Variants in VPS37A observed in about 807,000 individuals in gnomAD.
VPS37A encodes vacuolar protein sorting-associated protein 37A.
A neutral mutation model predicts 49.8 loss-of-function variants in VPS37A; 30 were observed. The observed-to-expected ratio is 0.60, with a 90% CI of 0.45 to 0.82. The LOEUF (loss-of-function observed/expected upper bound fraction) is 0.82. Ranked by LOEUF, VPS37A falls within the 40% of genes least tolerant of loss-of-function variation. The probability of loss-of-function intolerance (pLI) is 0.00; values close to 1 mark genes in which losing one functional copy is unlikely to be tolerated. For synonymous variants in VPS37A, 195 were observed against 160.6 expected (o/e 1.21, Z -1.62); for missense variants, 593 against 464.4 (o/e 1.28, Z -2.55).
chr8:17,326,198 A>C, the VPS37A span: 1 of 152,180 alleles, frequency 6.6e-6, no homozygotes, highest in Non-Finnish European at 1.5e-5. Context: ...AGGCATCTGC[A>C]CTCACAGTAA....
the VPS37A span, among the ~76,000 whole-genome samples, chr8:17,328,854 C>T: frequency 6.6e-6 from 1 of 152,190 alleles, no homozygotes; most frequent in Non-Finnish European, 1.5e-5. Flanking sequence ...TGAAAGGCAT[C>T]ATTTTCTCTC....
At chr8:17,256,009 C>T (rs1812412197) in intron 1 of VPS37A, among the ~76,000 whole-genome samples, 1 of 151,888 alleles carries the variant, frequency 6.6e-6, no homozygotes, top group Non-Finnish European at 1.5e-5. Flanking sequence ...GGGAGTGCAG[C>T]TATCTCTTTG....
At chr8:17,261,612 G>A (rs1422566904) in intron 1 of VPS37A, among the ~76,000 whole-genome samples, 2 of 152,050 alleles carry the variant, frequency 1.3e-5, no homozygotes, top group African/African-American at 4.8e-5. Flanking sequence ...TTTATTGAAT[G>A]TATTTGCTTA....
intron 1 of VPS37A, among the ~76,000 whole-genome samples, chr8:17,262,777 T>C (rs1585959364): frequency 6.6e-6 from 1 of 152,108 alleles, no homozygotes; most frequent in Admixed American, 6.5e-5. Flanking sequence ...AAAATTATAT[T>C]GTAGGCCGGA....
intron 4 of VPS37A, among the ~76,000 whole-genome samples, chr8:17,270,305 A>T (rs1407842409): frequency 6.6e-6 from 1 of 152,196 alleles, no homozygotes; most frequent in Non-Finnish European, 1.5e-5. Flanking sequence ...ATGTTTTTAT[A>T]AGAATCTACC....
rs1175376741 is a variant in VPS37A at position 17,296,298 on chromosome 8, A to AAAAT, written c.*1315_*1318dup. 1.3e-5 allele frequency: 2 copies of AAAAT among 152,178 alleles called. No individual in the cohort carries two copies. Among genetic ancestry groups the AAAAT allele is most frequent in the African/African-American group, 4.8e-5 (2 of 41,432 alleles). The allele number at this position is 152,178 out of a possible 1,614,324, so 9.4% of individuals were successfully genotyped here. ...GACTGAGATACAATGTTGGATACAGAAAATAACTTTCATTGTCTTCCTGAC... is the reference window on the plus strand; with the variant it reads ...GACTGAGATACAATGTTGGATACAGAAAATAAATAACTTTCATTGTCTTCCTGAC... On this transcript the variant is annotated 3_prime_UTR_variant, in exon 12 of 12. Coordinates refer to ENST00000324849, the MANE Select transcript of VPS37A (RefSeq NM_152415.3).
At position 17,281,783 on chromosome 8, in the gene VPS37A, A is replaced by T. The variant is rs1371025919; in HGVS notation, c.969+1340A>T. Among the ~76,000 whole-genome samples, 7 of 152,256 alleles carry T rather than the reference A, an allele frequency of 4.6e-5. No homozygotes were observed. In the East Asian group the frequency reaches 1.3e-3, roughly 29 times the overall value. ...ATTACTACTGCAAAATGAAGTACAG[A>T]AAACAACTCATTTACCATAGGAACA... On this transcript the variant is annotated intron_variant, in intron 9 of 11. Coordinates refer to ENST00000324849, the MANE Select transcript of VPS37A (RefSeq NM_152415.3).
intron 6 of VPS37A, among the ~76,000 whole-genome samples, chr8:17,277,142 C>T (rs577559275): frequency 1.3e-5 from 2 of 152,020 alleles, no homozygotes; most frequent in East Asian, 1.9e-4. Context: ...GGATATATCT[C>T]ATCAAAGATG....
intron 9 of VPS37A, among the ~76,000 whole-genome samples, chr8:17,281,186 G>A (rs753310096): frequency 5.3e-5 from 8 of 151,914 alleles, no homozygotes; most frequent in South Asian, 2.1e-4. Context: ...GTCTTGCACC[G>A]CATGAAGCTA....
At chr8:17,306,091 A>C, downstream of VPS37A, 1 of 705,056 alleles carries the variant, frequency 1.4e-6, no homozygotes, top group Non-Finnish European at 2.2e-6. Context: ...AATGACAAAA[A>C]AGGTAGAAAA....
chr8:17,296,194 T>C lies in VPS37A; in HGVS notation c.*1208T>C, dbSNP rs975417386. ...GTACATGTTTTTGGCAATAAAGTTA[T>C]AGGAAGAACAAAATTATTTTGTTAG... On this transcript the variant is annotated 3_prime_UTR_variant, in exon 12 of 12. Coordinates refer to ENST00000324849, the MANE Select transcript of VPS37A (RefSeq NM_152415.3). The C allele has an allele frequency of 2.6e-5, 4 of 152,240 alleles. No individual in the cohort carries two copies. The highest frequency in any genetic ancestry group is 6.5e-5 in the Admixed American group (1 of 15,284). 9.4% of individuals were successfully genotyped at this position (152,240 alleles called of 1,614,324 possible).
At chr8:17,247,562 CCTGCCGCACCA>C in intron 1 of VPS37A, 193 bp downstream of exon 1, 1 of 787,742 alleles carries the variant, frequency 1.3e-6, no homozygotes, top group South Asian at 1.5e-5. Flanking sequence ...CTCCCTGCCT[CCTGCCGCACCA>C]CTGCTCAGCG....
At chr8:17,284,692 T>A in intron 10 of VPS37A, 76 bp downstream of exon 10, 1 of 1,463,102 alleles carries the variant, frequency 6.8e-7, no homozygotes, top group Middle Eastern at 1.8e-4. Context: ...AAGCACTGGG[T>A]GTTAGCTATT....
At chr8:17,257,106 T>A (rs1812536024) in intron 1 of VPS37A, among the ~76,000 whole-genome samples, 1 of 152,202 alleles carries the variant, frequency 6.6e-6, no homozygotes, top group South Asian at 2.1e-4. Flanking sequence ...TTTTTGTGTA[T>A]GGTAAGAGAT....
intron 1 of VPS37A, among the ~76,000 whole-genome samples, chr8:17,261,971 G>A (rs907862485): frequency 6.6e-6 from 1 of 152,144 alleles, no homozygotes; most frequent in Non-Finnish European, 1.5e-5. Flanking sequence ...TGATGCTTCT[G>A]GTGAGTTGAG....
intron 1 of VPS37A, among the ~76,000 whole-genome samples, chr8:17,257,340 GGATA>G (rs1812559783): frequency 6.6e-6 from 1 of 152,118 alleles, no homozygotes; most frequent in African/African-American, 2.4e-5. Flanking sequence ...TTTTGAAGCT[GGATA>G]GATAGTGTGA....
At chr8:17,279,866 T>C (rs1814872857) in intron 6 of VPS37A, 162 bp from the exon 7 acceptor site, 1 of 795,480 alleles carries the variant, frequency 1.3e-6, no homozygotes. Flanking sequence ...TTGTGGTTGA[T>C]GTTTTATTTG....
At chr8:17,284,236 G>T (rs1815374941) in intron 9 of VPS37A, among the ~76,000 whole-genome samples, 1 of 152,144 alleles carries the variant, frequency 6.6e-6, no homozygotes, top group Admixed American at 6.5e-5. Flanking sequence ...GATTTTCCCA[G>T]TTTCTCTCAT....
intron 11 of VPS37A, among the ~76,000 whole-genome samples, chr8:17,289,249 T>G (rs1815914558): frequency 6.6e-6 from 1 of 152,182 alleles, no homozygotes; most frequent in Admixed American, 6.5e-5. Flanking sequence ...TGCCATTGTT[T>G]TTTTGTGTTT....
Sources: allele counts gnomAD v4.1 joint callset (sites outside exome capture counted in the v4.1 genomes callset), GRCh38; gene constraint gnomAD v4.1.1; transcripts MANE v1.5; gene names NCBI Gene and HGNC (gene_info 2026-07-23, HGNC 2026-07-21).